KCNH5: variants seen among roughly 807,000 people sequenced by gnomAD.
The protein encoded by KCNH5 is potassium voltage-gated channel subfamily H member 5.
KCNH5 carries 46 observed loss-of-function variants against 96.1 expected under a neutral mutation model. The observed-to-expected ratio is 0.48, with a 90% CI of 0.38 to 0.61. The LOEUF (loss-of-function observed/expected upper bound fraction) is 0.61, where lower values mean the gene tolerates loss of function less well. Among genes scored for constraint, KCNH5 ranks in the 20% least tolerant of loss-of-function variants. KCNH5 has a pLI of 0.00. For synonymous variants in KCNH5, 439 were observed against 449.8 expected (o/e 0.98, Z 0.30); for missense variants, 907 against 1,225.8 (o/e 0.74, Z 3.88).
rs368555853 is a variant in KCNH5, at chr14:62,900,152, C to T, written c.1369+49981G>A. 3.8e-4 allele frequency among the ~76,000 whole-genome samples: 58 copies of T among 152,244 alleles called. 3 individuals carry two copies. The South Asian group carries it at 7.5e-3, about 20-fold the overall frequency. On this transcript the variant is annotated intron_variant, in intron 7 of 10. Transcript: ENST00000322893. ...ACCAAAAAAATCCAGTAGCATATTTCTAGTAAGATCAATAAACTACCAGCA... is the reference window on the plus strand; with the variant it reads ...ACCAAAAAAATCCAGTAGCATATTTTTAGTAAGATCAATAAACTACCAGCA...
chr14:63,020,753 A>C (rs1313116608), intron 1 of KCNH5, among the ~76,000 whole-genome samples: 1 of 152,170 alleles, frequency 6.6e-6, no homozygotes, highest in Non-Finnish European at 1.5e-5. Flanking sequence ...AATTCATTGA[A>C]CTGTGCAGTT....
chr14:62,753,927 G>A (rs1008994893), intron 10 of KCNH5, among the ~76,000 whole-genome samples: 1 of 152,064 alleles, frequency 6.6e-6, no homozygotes, highest in Non-Finnish European at 1.5e-5. Flanking sequence ...GTAATAGTAA[G>A]TACACAGAAA....
intron 9 of KCNH5, among the ~76,000 whole-genome samples, chr14:62,800,594 T>A (rs1162493874): frequency 6.6e-6 from 1 of 152,206 alleles, no homozygotes; most frequent in East Asian, 1.9e-4. Context: ...ATATTACATT[T>A]TCATGTAATA....
chr14:62,965,039 T>C (rs1417324012), intron 6 of KCNH5, among the ~76,000 whole-genome samples: 1 of 152,154 alleles, frequency 6.6e-6, no homozygotes, highest in Admixed American at 6.6e-5. Flanking sequence ...CACTGCCAGA[T>C]TCCCCAATAC....
intron 10 of KCNH5, among the ~76,000 whole-genome samples, chr14:62,766,643 C>A (rs958085226): frequency 6.6e-6 from 1 of 151,974 alleles, no homozygotes. Flanking sequence ...TAATTGAACT[C>A]ATAATTATAG....
At chr14:62,983,572 A>G (rs1158638461) in intron 5 of KCNH5, among the ~76,000 whole-genome samples, 1 of 152,132 alleles carries the variant, frequency 6.6e-6, no homozygotes, top group African/African-American at 2.4e-5. Flanking sequence ...GGCCCTGGAC[A>G]CTGTGCCTAC....
chr14:62,938,228 G>C (rs1007442441), intron 7 of KCNH5, among the ~76,000 whole-genome samples: 4 of 152,126 alleles, frequency 2.6e-5, no homozygotes, highest in Non-Finnish European at 5.9e-5. Context: ...TACAGAGCCA[G>C]CTTCAAAGGG....
chr14:62,913,510 G>A (rs1288849670), intron 7 of KCNH5, among the ~76,000 whole-genome samples: 1 of 152,196 alleles, frequency 6.6e-6, no homozygotes, highest in Non-Finnish European at 1.5e-5. Context: ...ACAGGCATGA[G>A]CCACTGCGCC....
intron 9 of KCNH5, among the ~76,000 whole-genome samples, chr14:62,780,483 C>T (rs989488425): frequency 6.6e-6 from 1 of 152,100 alleles, no homozygotes; most frequent in Non-Finnish European, 1.5e-5. Context: ...TCTCGGAGTC[C>T]AGCCCAAGAG....
intron 10 of KCNH5, among the ~76,000 whole-genome samples, chr14:62,731,159 G>A (rs370957655): frequency 2.0e-5 from 3 of 151,958 alleles, no homozygotes; most frequent in Admixed American, 1.3e-4. Context: ...AAATTAGCTG[G>A]GCATGGTGGT....
intron 7 of KCNH5, among the ~76,000 whole-genome samples, chr14:62,851,877 C>T (rs1330161967): frequency 6.6e-6 from 1 of 152,080 alleles, no homozygotes; most frequent in East Asian, 1.9e-4. Flanking sequence ...CAAATTACGA[C>T]ACATTTCATC....
At chr14:62,988,408 A>C (rs1890749455) in intron 4 of KCNH5, among the ~76,000 whole-genome samples, 2 of 152,226 alleles carry the variant, frequency 1.3e-5, no homozygotes, top group South Asian at 4.1e-4. Flanking sequence ...GAAATTCTGG[A>C]AATACACCTG....
At chr14:62,947,983 C>T (rs564504023) in intron 7 of KCNH5, among the ~76,000 whole-genome samples, 3 of 151,936 alleles carry the variant, frequency 2.0e-5, no homozygotes, top group African/African-American at 4.8e-5. Flanking sequence ...CCCTCTCCCC[C>T]CACCCCACAA....
At chr14:62,855,462 A>T (rs1887909478) in intron 7 of KCNH5, among the ~76,000 whole-genome samples, 1 of 152,212 alleles carries the variant, frequency 6.6e-6, no homozygotes, top group Admixed American at 6.5e-5. Context: ...TACCACATGA[A>T]CTTGAAATAA....
chr14:62,918,474 A>C (rs1005941080), intron 7 of KCNH5, among the ~76,000 whole-genome samples: 1 of 152,196 alleles, frequency 6.6e-6, no homozygotes, highest in African/African-American at 2.4e-5. Flanking sequence ...TGCAACACGT[A>C]AGATAAACGA....
chr14:63,038,540 CT>C (rs1243644490), intron 1 of KCNH5, among the ~76,000 whole-genome samples: 1 of 152,118 alleles, frequency 6.6e-6, no homozygotes, highest in African/African-American at 2.4e-5. Context: ...TTTCCAATAG[CT>C]TTCTAACCAC....
chr14:62,954,102 T>C (rs924548988), intron 6 of KCNH5, among the ~76,000 whole-genome samples: 1 of 152,206 alleles, frequency 6.6e-6, no homozygotes, highest in Non-Finnish European at 1.5e-5. Context: ...GTTCCCAGAA[T>C]GTCCATGCTG....
intron 8 of KCNH5, among the ~76,000 whole-genome samples, chr14:62,848,980 T>C (rs1056969051): frequency 3.9e-5 from 6 of 152,198 alleles, no homozygotes; most frequent in African/African-American, 1.2e-4. Flanking sequence ...AGTGAGGATT[T>C]TTTAAAATTT....
chr14:62,950,740 A>G (rs571836121), intron 6 of KCNH5, among the ~76,000 whole-genome samples, 181 bp from the exon 7 acceptor site: 12 of 152,164 alleles, frequency 7.9e-5, no homozygotes, highest in Non-Finnish European at 1.2e-4. Flanking sequence ...TTAAAAAAAT[A>G]GATATCTTCC....
Sources: gnomAD v4.1 joint callset for allele counts (sites outside exome capture counted in the v4.1 genomes callset) on GRCh38, gnomAD v4.1.1 for gene constraint, MANE v1.5 for transcripts, NCBI Gene and HGNC (gene_info 2026-07-23, HGNC 2026-07-21) for gene names.